Variants in CNTNAP2 observed in about 807,000 individuals in gnomAD.
CNTNAP2 encodes the protein contactin-associated protein-like 2.
Under a neutral mutation model 155.2 loss-of-function variants are expected in CNTNAP2, and 98 were observed. The ratio of observed to expected loss-of-function variants is 0.63; its 90% CI spans 0.54 to 0.75. CNTNAP2 has a LOEUF of 0.75. CNTNAP2 is among the 30% of genes least tolerant of loss of function. The pLI, the probability that CNTNAP2 is intolerant of heterozygous loss-of-function variation, is 0.00. For missense variants in CNTNAP2, 1,727 were observed against 1,688.1 expected (o/e 1.02, Z -0.40); for synonymous variants, 651 against 631.2 (o/e 1.03, Z -0.47).
chr7:147,788,520 G>A (rs1042114033), intron 13 of CNTNAP2, among the ~76,000 whole-genome samples: 1 of 152,144 alleles, frequency 6.6e-6, no homozygotes, highest in Non-Finnish European at 1.5e-5. Flanking sequence ...GCTCTTTGTT[G>A]CTCAAAGTCA....
At position 148,376,180 on chromosome 7, in the gene CNTNAP2, C is replaced by A; in HGVS notation, c.3476-7469C>A. Among the ~76,000 whole-genome samples the A allele has an allele frequency of 3.0e-5, 2 of 65,666 alleles. 1 individual carries two copies. The highest frequency in any genetic ancestry group is 8.4e-5 in the Non-Finnish European group (2 of 23,730). The allele number at this position is 65,666 out of a possible 152,430, so 43.1% of individuals were successfully genotyped here. A position where few individuals can be genotyped will look rare whatever the true frequency, so the allele number is the denominator to read the frequency against. Reference sequence around the variant, plus strand: ...ATTGTTGACTCTGGAAAGAAAAAATCCAGTTTTGTGTTATCAGTCCTTAGA... The same window carrying A: ...ATTGTTGACTCTGGAAAGAAAAAATACAGTTTTGTGTTATCAGTCCTTAGA... On this transcript the variant is annotated intron_variant, in intron 21 of 23. Coordinates refer to ENST00000361727, the MANE Select transcript of CNTNAP2 (RefSeq NM_014141.6).
intron 13 of CNTNAP2, among the ~76,000 whole-genome samples, chr7:147,743,076 C>T (rs1487730204): frequency 1.3e-5 from 2 of 152,054 alleles, no homozygotes; most frequent in Non-Finnish European, 2.9e-5. Flanking sequence ...GTTGCAAACC[C>T]AACACATTCA....
chr7:147,240,356 A>G (rs113096488), intron 8 of CNTNAP2, among the ~76,000 whole-genome samples: 1 of 152,214 alleles, frequency 6.6e-6, no homozygotes, highest in African/African-American at 2.4e-5. Flanking sequence ...TATTTATTTT[A>G]TAATGTCGTG....
At chr7:146,327,841 T>G (rs1203551655) in intron 1 of CNTNAP2, among the ~76,000 whole-genome samples, 1 of 152,218 alleles carries the variant, frequency 6.6e-6, no homozygotes, top group African/African-American at 2.4e-5. Context: ...AGACTTTGAA[T>G]TGGTTTCTAG....
intron 10 of CNTNAP2, among the ~76,000 whole-genome samples, chr7:147,478,815 A>T (rs1478049779): frequency 6.6e-6 from 1 of 152,242 alleles, no homozygotes; most frequent in Non-Finnish European, 1.5e-5. Context: ...TCAAGACATA[A>T]ATTCTATTGC....
chr7:146,970,927 T>C (rs1234726884), intron 3 of CNTNAP2, among the ~76,000 whole-genome samples: 1 of 152,004 alleles, frequency 6.6e-6, no homozygotes, highest in Non-Finnish European at 1.5e-5. Context: ...TGGATGAAAT[T>C]GGAAATCATC....
chr7:148,316,329 A>G (rs1797688994), intron 21 of CNTNAP2, among the ~76,000 whole-genome samples: 1 of 141,172 alleles, frequency 7.1e-6, no homozygotes, highest in Non-Finnish European at 1.5e-5. Context: ...CTTAGAACTT[A>G]AAGTATAATA....
chr7:148,195,137 C>T (rs560626094), intron 18 of CNTNAP2, among the ~76,000 whole-genome samples: 6 of 152,178 alleles, frequency 3.9e-5, no homozygotes, highest in African/African-American at 1.4e-4. Flanking sequence ...TTTCCTTTCT[C>T]TTTCTTGTAT....
intron 15 of CNTNAP2, among the ~76,000 whole-genome samples, chr7:148,055,398 A>C (rs1373663072): frequency 6.6e-6 from 1 of 152,208 alleles, no homozygotes; most frequent in Non-Finnish European, 1.5e-5. Context: ...GAGGCTATGC[A>C]CCCGTGTCAT....
chr7:146,777,287 TGCTTATCAGCGTTATGCTGTCC>T (rs1802406566), intron 2 of CNTNAP2, among the ~76,000 whole-genome samples: 2 of 152,230 alleles, frequency 1.3e-5, no homozygotes, highest in African/African-American at 4.8e-5. Flanking sequence ...AAGACTGCTT[TGCTTATCAGCGTTATGCTGTCC>T]ATAATGACAT....
In CNTNAP2 at chr7:147,677,069, A is replaced by G. The variant is rs1380847397; in HGVS notation, c.2098+37763A>G. On this transcript the variant is annotated intron_variant, in intron 13 of 23. Transcript: ENST00000361727. ...GATCACTTAGGAGTTCTGTTTCATT[A>G]ATTTTTTTTTTTTTGAGGAACCTCC... Among the ~76,000 whole-genome samples the G allele has an allele frequency of 1.6e-4, 6 of 37,790 alleles. No homozygotes were observed. In the East Asian group the frequency reaches 0.02, roughly 125 times the overall value. 24.8% of individuals were successfully genotyped at this position (37,790 alleles called of 152,430 possible).
chr7:148,255,970 T>C (rs1356887796), intron 20 of CNTNAP2, among the ~76,000 whole-genome samples: 1 of 152,108 alleles, frequency 6.6e-6, no homozygotes, highest in African/African-American at 2.4e-5. Flanking sequence ...CCTTCTAAGT[T>C]TGTGAAAAGA....
intron 1 of CNTNAP2, among the ~76,000 whole-genome samples, chr7:146,605,133 A>G (rs2129152734): frequency 6.6e-6 from 1 of 150,542 alleles, no homozygotes; most frequent in South Asian, 2.1e-4. Flanking sequence ...CCCGCCTTTT[A>G]CACTGTTTTT....
intron 8 of CNTNAP2, among the ~76,000 whole-genome samples, chr7:147,179,526 A>G (rs745337293): frequency 6.6e-6 from 1 of 152,236 alleles, no homozygotes; most frequent in Non-Finnish European, 1.5e-5. Flanking sequence ...CAGGCTTGGC[A>G]TGTGAGTGAG....
chr7:148,288,081 C>T (rs940647493), intron 21 of CNTNAP2, among the ~76,000 whole-genome samples: 5 of 149,996 alleles, frequency 3.3e-5, no homozygotes, highest in Admixed American at 6.6e-5. Flanking sequence ...TGAGCCACCG[C>T]GCCCAACCTT....
intron 1 of CNTNAP2, among the ~76,000 whole-genome samples, chr7:146,423,796 A>T (rs1796048207): frequency 6.6e-6 from 1 of 152,246 alleles, no homozygotes. Flanking sequence ...ATATATCAGA[A>T]GGTAGATCTT....
intron 14 of CNTNAP2, among the ~76,000 whole-genome samples, chr7:147,939,762 A>T (rs1800682514): frequency 6.6e-6 from 1 of 151,972 alleles, no homozygotes; most frequent in African/African-American, 2.4e-5. Context: ...AAGAAAAGGC[A>T]AGTGTCCATT....
intron 1 of CNTNAP2, among the ~76,000 whole-genome samples, chr7:146,449,113 A>T (rs1049320335): frequency 6.6e-6 from 1 of 152,068 alleles, no homozygotes; most frequent in Non-Finnish European, 1.5e-5. Context: ...TCTACTGTTG[A>T]GTAGATCCTA....
chr7:148,167,708 C>T (rs537595609), intron 17 of CNTNAP2, among the ~76,000 whole-genome samples: 12 of 152,146 alleles, frequency 7.9e-5, no homozygotes, highest in African/African-American at 1.9e-4. Flanking sequence ...GGGAAACCGA[C>T]GCTGAGAGAG....
Sources: allele counts gnomAD v4.1 joint callset (sites outside exome capture counted in the v4.1 genomes callset), GRCh38; gene constraint gnomAD v4.1.1; transcripts MANE v1.5; gene names NCBI Gene and HGNC (gene_info 2026-07-23, HGNC 2026-07-21).